The following PTPRE variants were observed in gnomAD, a reference collection of about 807,000 sequenced individuals.
The protein encoded by PTPRE is receptor-type tyrosine-protein phosphatase epsilon.
Under a neutral mutation model 102.0 loss-of-function variants are expected in PTPRE, and 51 were observed. The observed-to-expected ratio is 0.50, with a 90% confidence interval of 0.40 to 0.63. The LOEUF is 0.63. Among genes scored for constraint, PTPRE ranks in the 30% least tolerant of loss-of-function variants. PTPRE has a pLI of 0.00. For synonymous variants in PTPRE, 345 were observed against 348.2 expected (o/e 0.99, Z 0.10); for missense variants, 752 against 915.1 (o/e 0.82, Z 2.30).
intron 2 of PTPRE, among the ~76,000 whole-genome samples, chr10:127,985,764 T>C (rs763782932): frequency 2.0e-5 from 3 of 151,994 alleles, no homozygotes; most frequent in Non-Finnish European, 4.4e-5. Flanking sequence ...ACTAGCAGTA[T>C]TCCAATTTTT....
intron 2 of PTPRE, among the ~76,000 whole-genome samples, chr10:128,016,482 T>C (rs1025642417): frequency 1.9e-5 from 1 of 51,806 alleles, no homozygotes; most frequent in Admixed American, 1.4e-4. Context: ...GCCTGGCCAA[T>C]TTTTTTTTTT....
chr10:128,068,301 C>A lies in PTPRE; in HGVS notation c.1007+15C>A. The A allele has an allele frequency of 1.2e-6, 2 of 1,605,084 alleles. No individual in the cohort carries two copies. Among genetic ancestry groups the A allele is most frequent in the Non-Finnish European group, 1.7e-6 (2 of 1,174,118 alleles). On this transcript the variant is annotated intron_variant, in intron 12 of 20. Transcript: ENST00000254667. ...GTCCACTGTAGGTACGCTGTGGGGG[C>A]CACGGGGCGGGACCCTCAAGGGCAG...
At chr10:128,033,713 C>T (rs760757829) in intron 2 of PTPRE, among the ~76,000 whole-genome samples, 12 of 152,234 alleles carry the variant, frequency 7.9e-5, no homozygotes, top group Non-Finnish European at 1.3e-4. Flanking sequence ...GGCACAATCT[C>T]GGCTCATTGC....
At chr10:128,022,758 C>T (rs376143348) in intron 2 of PTPRE, among the ~76,000 whole-genome samples, 127 of 152,288 alleles carry the variant, frequency 8.3e-4, no homozygotes, top group Non-Finnish European at 1.3e-3. Flanking sequence ...GCTTCCCAGG[C>T]GGGCACAGGG....
intron 5 of PTPRE, among the ~76,000 whole-genome samples, chr10:128,048,593 C>T (rs1279849299): frequency 6.6e-6 from 1 of 152,200 alleles, no homozygotes; most frequent in East Asian, 1.9e-4. Context: ...TCCCAGCGCT[C>T]GCGGGACCCG....
intron 5 of PTPRE, among the ~76,000 whole-genome samples, chr10:128,049,112 G>C (rs973864114): frequency 1.5e-4 from 23 of 152,126 alleles, no homozygotes; most frequent in Non-Finnish European, 2.8e-4. Flanking sequence ...AGAACGTTCT[G>C]AGTTTGCTCC....
chr10:127,918,129 C>T (rs1846333914), intron 1 of PTPRE, among the ~76,000 whole-genome samples: 2 of 152,202 alleles, frequency 1.3e-5, no homozygotes, highest in Middle Eastern at 3.4e-3. Flanking sequence ...AGAATGATCT[C>T]GAGAAGCTCC....
chr10:128,082,561 G>A lies in PTPRE; in HGVS notation c.2029-271G>A, dbSNP rs113095068. 3.4e-3 allele frequency among the ~76,000 whole-genome samples: 522 copies of A among 151,576 alleles called. 2 individuals are homozygous for A. The highest frequency in any genetic ancestry group is 0.011 in the African/African-American group (445 of 41,276). ...TAAATTCAAAAATAGTTGTTTTCCA[G>A]TTTCAATGTGAAAGCCACAGACATT... is the stretch of plus-strand genomic sequence containing the variant. On this transcript the variant is annotated intron_variant, in intron 20 of 20. Coordinates refer to ENST00000254667, the MANE Select transcript of PTPRE (RefSeq NM_006504.6).
At chr10:128,063,289 T>C in intron 10 of PTPRE, 109 bp downstream of exon 10, 2 of 1,501,902 alleles carry the variant, frequency 1.3e-6, no homozygotes, top group South Asian at 1.3e-5. Flanking sequence ...CCTCCCACTA[T>C]CACTGCAGAA....
In PTPRE at chr10:128,048,589, C is replaced by T. The variant is rs188477897; in HGVS notation, c.283+752C>T. Reference sequence around the variant, plus strand: ...ACCCAGCTGAAATGTAGCCTCCCAGCGCTCGCGGGACCCGAGACCTGGTTA... The same window carrying T: ...ACCCAGCTGAAATGTAGCCTCCCAGTGCTCGCGGGACCCGAGACCTGGTTA... On this transcript the variant is annotated intron_variant, in intron 5 of 20. Transcript: ENST00000254667. Among the ~76,000 whole-genome samples, 691 of 152,304 alleles carry T rather than the reference C, an allele frequency of 4.5e-3. 2 individuals carry two copies. The highest frequency in any genetic ancestry group is 0.01 in the Middle Eastern group (3 of 294).
intron 18 of PTPRE, among the ~76,000 whole-genome samples, chr10:128,077,298 T>C (rs768109910): frequency 1.2e-4 from 19 of 152,202 alleles, no homozygotes; most frequent in Non-Finnish European, 2.8e-4. Context: ...GGCCCTGGTT[T>C]CTTGAGAAAG....
At chr10:128,000,677 G>T (rs1452455814) in intron 2 of PTPRE, among the ~76,000 whole-genome samples, 1 of 152,238 alleles carries the variant, frequency 6.6e-6, no homozygotes, top group East Asian at 1.9e-4. Flanking sequence ...TTCCTGCTGA[G>T]AATAAATATT....
intron 1 of PTPRE, among the ~76,000 whole-genome samples, chr10:127,949,612 G>A (rs543591967): frequency 7.2e-5 from 11 of 152,242 alleles, no homozygotes; most frequent in East Asian, 3.9e-4. Flanking sequence ...AATATGCCAC[G>A]TTCATTGGTT....
In PTPRE at chr10:128,070,967, G is replaced by A. The variant is rs1205959626; in HGVS notation, c.1387+66G>A. 1 of 1,512,208 alleles carries A rather than the reference G, an allele frequency of 6.6e-7. No homozygotes were observed. Among genetic ancestry groups the A allele is most frequent in the Admixed American group, 1.7e-5 (1 of 57,908 alleles). The allele number at this position is 1,512,208 out of a possible 1,614,324, so 93.7% of individuals were successfully genotyped here. A position where few individuals can be genotyped will look rare whatever the true frequency, so the allele number is the denominator to read the frequency against. On this transcript the variant is annotated intron_variant, in intron 15 of 20. Coordinates refer to ENST00000254667, the MANE Select transcript of PTPRE (RefSeq NM_006504.6). The surrounding 1 kb of genome is among the most constrained non-coding windows in gnomAD (Gnocchi z 4.8). ...GGCTGGTGCCGGAGGCTTTCATCCT[G>A]GAGAAGCCATTGACCGCTTACCCCT...
chr10:127,922,289 A>G (rs1289734262), intron 1 of PTPRE, among the ~76,000 whole-genome samples: 3 of 152,218 alleles, frequency 2.0e-5, no homozygotes, highest in East Asian at 1.9e-4. Context: ...TGAGACTCCA[A>G]TGGTGAACAA....
intron 1 of PTPRE, among the ~76,000 whole-genome samples, chr10:127,942,933 C>T (rs1209169669): frequency 2.6e-5 from 4 of 152,168 alleles, no homozygotes; most frequent in Non-Finnish European, 5.9e-5. Context: ...ATTTCAGGGC[C>T]GCATCTGTTA....
At chr10:127,947,020 C>CAA (rs59527787) in intron 1 of PTPRE, among the ~76,000 whole-genome samples, 6,496 of 82,388 alleles carry the variant, frequency 0.079, 231 homozygotes, top group Middle Eastern at 0.13. Flanking sequence ...GACCCTGTCT[C>CAA]AAAAAAAAAA....
chr10:127,953,732 G>A (rs1849207307), intron 1 of PTPRE, among the ~76,000 whole-genome samples: 1 of 152,214 alleles, frequency 6.6e-6, no homozygotes, highest in African/African-American at 2.4e-5. Context: ...TGCATGATAT[G>A]TAGGCACCAC....
In PTPRE at chr10:127,934,843, C is replaced by G. The variant is rs541447372; in HGVS notation, c.-31+27534C>G. 3.3e-5 allele frequency: 5 copies of G among 152,432 alleles called. No individual in the cohort carries two copies. The East Asian group carries it at 9.7e-4, about 29-fold the overall frequency. The allele number at this position is 152,432 out of a possible 1,614,324, so 9.4% of individuals were successfully genotyped here. On this transcript the variant is annotated intron_variant, in intron 1 of 20. Coordinates refer to ENST00000254667, the MANE Select transcript of PTPRE (RefSeq NM_006504.6). ...CTTCTAGCCATGGAACGGTGGTCAT[C>G]CGTGAGCCACGGCCTCAGGAGGTGG... is the stretch of plus-strand genomic sequence containing the variant.
Sources: gnomAD v4.1 joint callset for allele counts (sites outside exome capture counted in the v4.1 genomes callset) on GRCh38, gnomAD v4.1.1 for gene constraint, Gnocchi (gnomAD v3.1) non-coding constraint, MANE v1.5 for transcripts, NCBI Gene and HGNC (gene_info 2026-07-23, HGNC 2026-07-21) for gene names.